Variants in SYN3 observed in about 807,000 individuals in gnomAD.
The protein encoded by SYN3 is synapsin III.
SYN3 carries 35 observed loss-of-function variants against 65.8 expected under a neutral mutation model. That is an observed-to-expected ratio of 0.53 (90% CI 0.41 to 0.70). The LOEUF is 0.70. SYN3 is among the 30% of genes least tolerant of loss of function. The probability of loss-of-function intolerance (pLI) is 0.00; values close to 1 mark genes in which losing one functional copy is unlikely to be tolerated. For synonymous variants in SYN3, 270 were observed against 292.9 expected, an observed-to-expected ratio of 0.92 and a Z score of 0.80; for missense variants, 680 against 749.0, an observed-to-expected ratio of 0.91 and a Z score of 1.08.
chr22:32,672,451 G>T (rs2060384364), intron 6 of SYN3, among the ~76,000 whole-genome samples: 1 of 152,226 alleles, frequency 6.6e-6, no homozygotes, highest in Admixed American at 6.5e-5. Context: ...GGGCTGCAGA[G>T]AAATGGATTG....
At chr22:33,022,508 T>A (rs1221790596) in intron 1 of SYN3, among the ~76,000 whole-genome samples, 1 of 152,204 alleles carries the variant, frequency 6.6e-6, no homozygotes, top group South Asian at 2.1e-4. Flanking sequence ...CAGGAAAACA[T>A]GCACTGTCTT....
intron 6 of SYN3, among the ~76,000 whole-genome samples, chr22:32,700,034 C>T (rs2060790516): frequency 1.3e-5 from 2 of 152,208 alleles, no homozygotes; most frequent in South Asian, 4.1e-4. Flanking sequence ...GCCCGGAACT[C>T]AGGTTCTCTG....
At chr22:32,614,667 T>A (rs1053797803) in intron 6 of SYN3, among the ~76,000 whole-genome samples, 1 of 152,164 alleles carries the variant, frequency 6.6e-6, no homozygotes, top group Non-Finnish European at 1.5e-5. Flanking sequence ...CTAGTCATCA[T>A]CCTTCAATCT....
chr22:32,665,878 C>T (rs2060283058), intron 6 of SYN3, among the ~76,000 whole-genome samples: 1 of 152,150 alleles, frequency 6.6e-6, no homozygotes, highest in African/African-American at 2.4e-5. Context: ...CTAGCCCTGA[C>T]CTCTCCCTGA....
At chr22:32,709,096 G>GT (rs1224488155) in intron 6 of SYN3, among the ~76,000 whole-genome samples, 1 of 152,236 alleles carries the variant, frequency 6.6e-6, no homozygotes, top group African/African-American at 2.4e-5. Context: ...CCACACTGTG[G>GT]TTGGGGCCAA....
intron 10 of SYN3, among the ~76,000 whole-genome samples, chr22:32,529,359 A>G (rs2058033733): frequency 6.6e-6 from 1 of 151,794 alleles, no homozygotes; most frequent in African/African-American, 2.4e-5. Context: ...GGGGCTGGCC[A>G]CCTCTCCTTT....
intron 2 of SYN3, among the ~76,000 whole-genome samples, chr22:32,992,133 C>T (rs989046237): frequency 6.6e-6 from 1 of 152,222 alleles, no homozygotes; most frequent in Admixed American, 6.5e-5. Flanking sequence ...ACAAGTGAAA[C>T]GCTGAAACTC....
intron 2 of SYN3, among the ~76,000 whole-genome samples, chr22:32,988,030 C>T (rs80114498): frequency 0.01 from 1,526 of 149,140 alleles, 32 homozygotes; most frequent in African/African-American, 0.036. Context: ...ACACTGAGGC[C>T]GGGAACAGTG....
At chr22:33,052,071 G>C (rs1292534631) in intron 1 of SYN3, among the ~76,000 whole-genome samples, 1 of 152,118 alleles carries the variant, frequency 6.6e-6, no homozygotes, top group Non-Finnish European at 1.5e-5. Context: ...AACAGACCCA[G>C]AGAGGGAGAC....
At chr22:33,017,342 C>A (rs986143565) in intron 1 of SYN3, among the ~76,000 whole-genome samples, 1 of 152,182 alleles carries the variant, frequency 6.6e-6, no homozygotes, top group Non-Finnish European at 1.5e-5. Flanking sequence ...CTTCTTTTGT[C>A]TCAAAATTGC....
intron 6 of SYN3, among the ~76,000 whole-genome samples, chr22:32,754,191 G>A (rs948323648): frequency 4.6e-5 from 7 of 151,138 alleles, no homozygotes; most frequent in African/African-American, 1.2e-4. Flanking sequence ...TCACTCTGTC[G>A]CCCAGGCCAG....
intron 6 of SYN3, among the ~76,000 whole-genome samples, chr22:32,658,059 T>C (rs1601856601): frequency 6.6e-6 from 1 of 152,140 alleles, no homozygotes; most frequent in African/African-American, 2.4e-5. Flanking sequence ...TGGGATGGAT[T>C]TGAGGACGTT....
chr22:33,049,640 G>A (rs569682706), intron 1 of SYN3, among the ~76,000 whole-genome samples: 3 of 152,172 alleles, frequency 2.0e-5, no homozygotes, highest in Non-Finnish European at 4.4e-5. Flanking sequence ...AATATTTTGG[G>A]AGCTACGCTC....
chr22:32,866,380 A>G (rs778199630), intron 5 of SYN3, among the ~76,000 whole-genome samples: 2 of 152,196 alleles, frequency 1.3e-5, no homozygotes, highest in Non-Finnish European at 2.9e-5. Flanking sequence ...ACTCAGAAAT[A>G]TGGAAAACGA....
intron 2 of SYN3, among the ~76,000 whole-genome samples, chr22:32,990,745 T>C (rs1374192022): frequency 1.3e-5 from 2 of 152,208 alleles, no homozygotes; most frequent in African/African-American, 2.4e-5. Flanking sequence ...ACTTAAATTG[T>C]ATACTTTTAA....
chr22:32,674,130 G>A (rs1224731572), intron 6 of SYN3, among the ~76,000 whole-genome samples: 3 of 152,158 alleles, frequency 2.0e-5, no homozygotes, highest in Non-Finnish European at 4.4e-5. Flanking sequence ...GATATGGGTA[G>A]AGTAGGAGAG....
intron 4 of SYN3, among the ~76,000 whole-genome samples, chr22:32,897,216 G>A (rs2049618554): frequency 6.6e-6 from 1 of 152,188 alleles, no homozygotes; most frequent in Admixed American, 6.5e-5. Context: ...TAAGATAAGA[G>A]TGCCGGCAGA....
intron 6 of SYN3, among the ~76,000 whole-genome samples, chr22:32,672,480 G>A (rs938278581): frequency 8.5e-5 from 13 of 152,200 alleles, no homozygotes; most frequent in Non-Finnish European, 2.9e-5. Context: ...AAGTCTCAGC[G>A]CTAAGTCTGG....
At chr22:33,050,273 G>A (rs1222127421) in intron 1 of SYN3, among the ~76,000 whole-genome samples, 1 of 151,976 alleles carries the variant, frequency 6.6e-6, no homozygotes, top group Non-Finnish European at 1.5e-5. Flanking sequence ...CTTGAGGTCA[G>A]GAGTTCAAGA....
Sources: allele counts gnomAD v4.1 joint callset (sites outside exome capture counted in the v4.1 genomes callset), GRCh38; gene constraint gnomAD v4.1.1; transcripts MANE v1.5; gene names NCBI Gene and HGNC (gene_info 2026-07-23, HGNC 2026-07-21).